CSMD1: variants seen among roughly 807,000 people sequenced by gnomAD.
The protein encoded by CSMD1 is CUB and sushi domain-containing protein 1.
Under a neutral mutation model 417.5 loss-of-function variants are expected in CSMD1, and 213 were observed. That is an observed-to-expected ratio of 0.51 (90% CI 0.46 to 0.57). CSMD1 has a LOEUF of 0.57. CSMD1 is among the 20% of genes least tolerant of loss of function. The probability of loss-of-function intolerance (pLI) is 0.00; values close to 1 mark genes in which losing one functional copy is unlikely to be tolerated. For synonymous variants in CSMD1, 2,862 were observed against 1,736.8 expected (o/e 1.65, Z -16.11); for missense variants, 6,923 against 4,529.7 (o/e 1.53, Z -15.17).
chr8:3,214,604 G>C lies in CSMD1; in HGVS notation c.4760C>G (p.Thr1587Ser). 1 of 1,565,920 alleles carries C rather than the reference G, an allele frequency of 6.4e-7. No individual in the cohort carries two copies. Among genetic ancestry groups the C allele is most frequent in the Non-Finnish European group, 8.7e-7 (1 of 1,154,548 alleles). Residue 1587 changes from threonine to serine, a missense_variant, in exon 30 of 70, where the codon ACC becomes AGC. Transcript: ENST00000635120. Reference sequence around the variant, plus strand: ...CTTATAGCCAGAGTCACACTGGTAGGTGATGGTGGAGCCAAGCTTGAAGTC... The same window carrying C: ...CTTATAGCCAGAGTCACACTGGTAGCTGATGGTGGAGCCAAGCTTGAAGTC... ...GTDFKLGSTI[T>S]YQCDSGYKIL...
intron 55 of CSMD1, among the ~76,000 whole-genome samples, 192 bp downstream of exon 55, chr8:2,978,420 C>G (rs1487600334): frequency 6.6e-6 from 1 of 152,198 alleles, no homozygotes; most frequent in Non-Finnish European, 1.5e-5. Context: ...CCCGACCCTT[C>G]AAATTTGCTG....
At chr8:4,556,403 A>G (rs1798088896) in intron 2 of CSMD1, among the ~76,000 whole-genome samples, 1 of 152,170 alleles carries the variant, frequency 6.6e-6, no homozygotes, top group Non-Finnish European at 1.5e-5. Context: ...GTAAGCTGGC[A>G]AGACTACACG....
At chr8:4,099,721 T>G (rs1482824678) in intron 3 of CSMD1, among the ~76,000 whole-genome samples, 1 of 152,320 alleles carries the variant, frequency 6.6e-6, no homozygotes, top group East Asian at 1.9e-4. Context: ...GGACTTTACT[T>G]GCTTTCTCCC....
At chr8:4,021,180 T>C (rs192409855) in intron 4 of CSMD1, among the ~76,000 whole-genome samples, 251 of 152,344 alleles carry the variant, frequency 1.6e-3, no homozygotes, top group Middle Eastern at 3.4e-3. Flanking sequence ...CTAGTCAGCA[T>C]TGCAAAATGG....
At chr8:2,942,632 G>T in intron 68 of CSMD1, 28 bp from the exon 69 acceptor site, 1 of 1,526,716 alleles carries the variant, frequency 6.6e-7, no homozygotes, top group Non-Finnish European at 8.8e-7. Flanking sequence ...TATTAAATTT[G>T]TTGTTACTGT....
chr8:4,087,193 A>G lies in CSMD1; in HGVS notation c.416-55094T>C, dbSNP rs142574721. Among the ~76,000 whole-genome samples the G allele has an allele frequency of 5.5e-3, 840 of 152,294 alleles. 4 individuals are homozygous for G. The highest frequency in any genetic ancestry group is 0.016 in the African/African-American group (664 of 41,562). On this transcript the variant is annotated intron_variant, in intron 3 of 69. Coordinates refer to ENST00000635120, the MANE Select transcript of CSMD1 (RefSeq NM_033225.6). Reference sequence around the variant, plus strand: ...CCTCCTTTCAGGGCATCTCAGCACAACTTAGCAGCCACCCTAGCTCTGAGC... The same window carrying G: ...CCTCCTTTCAGGGCATCTCAGCACAGCTTAGCAGCCACCCTAGCTCTGAGC...
chr8:3,350,990 T>G (rs1408534803), intron 21 of CSMD1, among the ~76,000 whole-genome samples: 3 of 152,212 alleles, frequency 2.0e-5, no homozygotes, highest in African/African-American at 7.2e-5. Flanking sequence ...CTGCTTTGCC[T>G]TTTAGAAAAA....
At chr8:4,312,295 G>C (rs17069870) in intron 3 of CSMD1, among the ~76,000 whole-genome samples, 28,008 of 150,072 alleles carry the variant, frequency 0.19, 5,333 homozygotes, top group African/African-American at 0.49. Flanking sequence ...ACTCATATAG[G>C]TATTTTAACA....
chr8:4,076,666 T>A (rs568603411), intron 3 of CSMD1, among the ~76,000 whole-genome samples: 1 of 152,216 alleles, frequency 6.6e-6, no homozygotes, highest in Non-Finnish European at 1.5e-5. Context: ...GCCTTATGCA[T>A]CGTGCTCCAA....
chr8:4,298,874 A>C (rs1263007601), intron 3 of CSMD1, among the ~76,000 whole-genome samples: 2 of 152,144 alleles, frequency 1.3e-5, no homozygotes, highest in Admixed American at 6.5e-5. Flanking sequence ...TTCTTTAATT[A>C]GACTTAAATG....
At chr8:3,387,750 G>A (rs1045643287) in intron 17 of CSMD1, 68 bp from the exon 18 acceptor site, 8 of 1,247,522 alleles carry the variant, frequency 6.4e-6, no homozygotes, top group African/African-American at 1.5e-5. Flanking sequence ...AGAGACCCAC[G>A]CCATCAACTA....
chr8:2,945,692 G>A (rs1050489068), intron 68 of CSMD1, among the ~76,000 whole-genome samples: 4 of 151,992 alleles, frequency 2.6e-5, no homozygotes, highest in South Asian at 2.1e-4. Flanking sequence ...GCTACCCTCC[G>A]TTCCCTTCTC....
chr8:3,394,347 C>G (rs1261088777), intron 17 of CSMD1, among the ~76,000 whole-genome samples: 2 of 149,966 alleles, frequency 1.3e-5, no homozygotes, highest in African/African-American at 4.9e-5. Context: ...TATGAAATGA[C>G]TTTTTATCAT....
At chr8:4,456,743 A>C (rs1329093866) in intron 2 of CSMD1, among the ~76,000 whole-genome samples, 1 of 152,130 alleles carries the variant, frequency 6.6e-6, no homozygotes, top group African/African-American at 2.4e-5. Flanking sequence ...CTTACTGTCT[A>C]GTTGCTAGAT....
At chr8:3,750,599 C>T (rs910521718) in intron 6 of CSMD1, among the ~76,000 whole-genome samples, 1 of 152,002 alleles carries the variant, frequency 6.6e-6, no homozygotes, top group African/African-American at 2.4e-5. Context: ...ACAATTTGGG[C>T]TTCATGCTTT....
intron 2 of CSMD1, among the ~76,000 whole-genome samples, chr8:4,607,309 C>T (rs1048510596): frequency 1.3e-5 from 2 of 151,976 alleles, no homozygotes; most frequent in African/African-American, 4.8e-5. Flanking sequence ...TGCATTTGAA[C>T]GTATCAGAAT....
At chr8:4,983,349 A>T (rs981975856) in intron 1 of CSMD1, among the ~76,000 whole-genome samples, 8 of 152,236 alleles carry the variant, frequency 5.3e-5, no homozygotes, top group African/African-American at 1.7e-4. Flanking sequence ...GCTGGAATCA[A>T]GTATATTACA....
chr8:3,925,796 T>C (rs1163420964), intron 5 of CSMD1, among the ~76,000 whole-genome samples: 1 of 152,078 alleles, frequency 6.6e-6, no homozygotes, highest in South Asian at 2.1e-4. Flanking sequence ...CAGTTTTGGG[T>C]ATGTCTTTAT....
intron 1 of CSMD1, among the ~76,000 whole-genome samples, chr8:4,729,325 T>C (rs1470360428): frequency 3.9e-5 from 6 of 152,190 alleles, no homozygotes; most frequent in Non-Finnish European, 8.8e-5. Flanking sequence ...AGGTGTTTTG[T>C]TGGTGTGGAA....
Sources: gnomAD v4.1 joint callset for allele counts (sites outside exome capture counted in the v4.1 genomes callset) on GRCh38, gnomAD v4.1.1 for gene constraint, MANE v1.5 for transcripts, NCBI Gene and HGNC (gene_info 2026-07-23, HGNC 2026-07-21) for gene names.